Variants in AUTS2 observed in about 807,000 individuals in gnomAD.
The protein encoded by AUTS2 is activator of transcription and developmental regulator AUTS2.
AUTS2 carries 17 observed loss-of-function variants against 112.4 expected under a neutral mutation model. The observed-to-expected ratio is 0.15, with a 90% CI of 0.10 to 0.23. AUTS2 has a LOEUF of 0.23. Ranked by LOEUF, AUTS2 falls within the 10% of genes least tolerant of loss-of-function variation. AUTS2 has a pLI of 1.00. For missense variants in AUTS2, 1,510 were observed against 1,701.6 expected (o/e 0.89, Z 1.98); for synonymous variants, 751 against 702.7 (o/e 1.07, Z -1.09).
chr7:70,380,027 T>C (rs1793297156), intron 4 of AUTS2, among the ~76,000 whole-genome samples: 1 of 152,234 alleles, frequency 6.6e-6, no homozygotes, highest in Non-Finnish European at 1.5e-5. Context: ...GGATGCATCA[T>C]GTACAAAACA....
At chr7:70,606,595 T>C (rs1439977700) in intron 5 of AUTS2, among the ~76,000 whole-genome samples, 1 of 152,142 alleles carries the variant, frequency 6.6e-6, no homozygotes, top group Non-Finnish European at 1.5e-5. Context: ...ACGTGGTGGC[T>C]CACGCCTGTA....
intron 4 of AUTS2, among the ~76,000 whole-genome samples, chr7:70,406,771 C>A (rs1794554596): frequency 6.6e-6 from 1 of 152,220 alleles, no homozygotes; most frequent in Non-Finnish European, 1.5e-5. Context: ...AATTAAAATT[C>A]TGATGCGTTC....
At chr7:69,678,268 A>T (rs1220500135) in intron 1 of AUTS2, among the ~76,000 whole-genome samples, 1 of 152,050 alleles carries the variant, frequency 6.6e-6, no homozygotes, top group Non-Finnish European at 1.5e-5. Context: ...CACTGAGAGC[A>T]ACACTACTGG....
At chr7:70,731,864 ATC>A (rs753532149) in intron 6 of AUTS2, among the ~76,000 whole-genome samples, 4 of 152,100 alleles carry the variant, frequency 2.6e-5, no homozygotes, top group Non-Finnish European at 4.4e-5. Flanking sequence ...TAAGATATAT[ATC>A]ATAACCTTTT....
At chr7:70,629,632 G>T (rs1020848442) in intron 5 of AUTS2, among the ~76,000 whole-genome samples, 1 of 152,168 alleles carries the variant, frequency 6.6e-6, no homozygotes. Flanking sequence ...GCTGGTGACT[G>T]ACGGAGCCCC....
At chr7:69,759,395 G>A (rs10244885) in intron 1 of AUTS2, among the ~76,000 whole-genome samples, 15,140 of 152,000 alleles carry the variant, frequency 0.1, 1,201 homozygotes, top group African/African-American at 0.22. Context: ...TAATGATTTT[G>A]TGTGTGAAAC....
intron 5 of AUTS2, among the ~76,000 whole-genome samples, chr7:70,681,548 A>G (rs1038442117): frequency 3.3e-5 from 5 of 151,982 alleles, no homozygotes; most frequent in African/African-American, 1.2e-4. Flanking sequence ...TCTGTATGCA[A>G]AGAAGAGTAA....
intron 5 of AUTS2, among the ~76,000 whole-genome samples, chr7:70,588,889 T>C (rs1040710806): frequency 6.6e-6 from 1 of 152,176 alleles, no homozygotes; most frequent in Admixed American, 6.5e-5. Flanking sequence ...TTCTCACACA[T>C]TTTTTTACAT....
At chr7:70,724,153 A>G (rs1376686931) in intron 6 of AUTS2, among the ~76,000 whole-genome samples, 1 of 152,132 alleles carries the variant, frequency 6.6e-6, no homozygotes, top group Non-Finnish European at 1.5e-5. Context: ...CGGCCTCTCA[A>G]AGTGTTGGGA....
At chr7:70,000,661 G>T (rs1799150454) in intron 2 of AUTS2, among the ~76,000 whole-genome samples, 1 of 152,120 alleles carries the variant, frequency 6.6e-6, no homozygotes, top group Non-Finnish European at 1.5e-5. Context: ...AGAAATGTGT[G>T]TTTCTATCAT....
intron 4 of AUTS2, among the ~76,000 whole-genome samples, chr7:70,354,924 T>C (rs1791924134): frequency 6.6e-6 from 1 of 152,118 alleles, no homozygotes; most frequent in Admixed American, 6.6e-5. Context: ...TTTCCTGTAC[T>C]GCTTGCCTTA....
chr7:69,831,802 C>T (rs12698809), intron 1 of AUTS2, among the ~76,000 whole-genome samples: 14,839 of 152,086 alleles, frequency 0.098, 784 homozygotes, highest in Admixed American at 0.12. Context: ...TAATTCTTCT[C>T]CCTTAGGATA....
intron 4 of AUTS2, among the ~76,000 whole-genome samples, chr7:70,393,048 C>T (rs1362723918): frequency 1.3e-5 from 2 of 152,222 alleles, no homozygotes; most frequent in Non-Finnish European, 2.9e-5. Flanking sequence ...CGACTGCTCC[C>T]GACAGGAAGG....
At chr7:70,097,117 T>C (rs1460220079) in intron 2 of AUTS2, among the ~76,000 whole-genome samples, 1 of 152,226 alleles carries the variant, frequency 6.6e-6, no homozygotes, top group Non-Finnish European at 1.5e-5. Context: ...CAAATACTCA[T>C]GAATATGATA....
intron 5 of AUTS2, among the ~76,000 whole-genome samples, chr7:70,478,077 A>G (rs1797649891): frequency 6.6e-6 from 1 of 152,136 alleles, no homozygotes; most frequent in Non-Finnish European, 1.5e-5. Flanking sequence ...AGTTGAAAGG[A>G]TGCTATTATG....
chr7:70,665,451 CTATT>C (rs140760249), intron 5 of AUTS2, among the ~76,000 whole-genome samples: 69 of 147,118 alleles, frequency 4.7e-4, no homozygotes, highest in African/African-American at 1.1e-3. Flanking sequence ...ATCTATTTAT[CTATT>C]TATTTATTTA....
At chr7:69,912,713 C>G (rs1795412737) in intron 2 of AUTS2, among the ~76,000 whole-genome samples, 1 of 152,208 alleles carries the variant, frequency 6.6e-6, no homozygotes, top group African/African-American at 2.4e-5. Context: ...ACCTTCAGCT[C>G]TTTGGCTTTC....
At chr7:70,089,954 C>G (rs974863761) in intron 2 of AUTS2, among the ~76,000 whole-genome samples, 1 of 151,284 alleles carries the variant, frequency 6.6e-6, no homozygotes, top group Non-Finnish European at 1.5e-5. Context: ...TTGCAGTGAG[C>G]CAGGATCGTG....
intron 6 of AUTS2, among the ~76,000 whole-genome samples, chr7:70,718,037 G>A (rs892268636): frequency 1.3e-5 from 2 of 152,108 alleles, no homozygotes; most frequent in African/African-American, 4.8e-5. Context: ...ACCTCTTGAA[G>A]CATGTAGAGC....
Sources: gnomAD v4.1 joint callset for allele counts (sites outside exome capture counted in the v4.1 genomes callset) on GRCh38, gnomAD v4.1.1 for gene constraint, MANE v1.5 for transcripts, NCBI Gene and HGNC (gene_info 2026-07-23, HGNC 2026-07-21) for gene names.